The following SPECC1L variants were observed in gnomAD, a reference collection of about 807,000 sequenced individuals.
SPECC1L encodes the protein sperm antigen with calponin homology and coiled-coil domains 1 like.
In SPECC1L, 40 loss-of-function variants were observed where a neutral mutation model predicts 116.8. The ratio of observed to expected loss-of-function variants is 0.34; its 90% CI spans 0.27 to 0.45. The LOEUF is 0.45. SPECC1L is among the 20% of genes least tolerant of loss of function. The pLI, the probability that SPECC1L is intolerant of heterozygous loss-of-function variation, is 1.00. For synonymous variants in SPECC1L, 504 were observed against 500.6 expected (o/e 1.01, Z -0.09); for missense variants, 1,110 against 1,373.6 (o/e 0.81, Z 3.03).
At chr22:24,345,881 A>G (rs1333501955) in intron 10 of SPECC1L, among the ~76,000 whole-genome samples, 2 of 152,190 alleles carry the variant, frequency 1.3e-5, no homozygotes, top group African/African-American at 4.8e-5. Context: ...AAGCACAAGA[A>G]AAACATAGAC....
intron 15 of SPECC1L, chr22:24,412,221 T>A (rs756430716): frequency 4.7e-5 from 17 of 359,938 alleles, no homozygotes; most frequent in Non-Finnish European, 7.5e-5. Context: ...AGAGGGCCAC[T>A]GGAGAGGATC....
intron 14 of SPECC1L, among the ~76,000 whole-genome samples, chr22:24,397,034 G>C (rs2042382510): frequency 6.6e-6 from 1 of 152,164 alleles, no homozygotes; most frequent in Admixed American, 6.5e-5. Flanking sequence ...CCAAAGTAAA[G>C]TGTTTTATGG....
At chr22:24,386,982 G>A (rs772242180) in intron 14 of SPECC1L, among the ~76,000 whole-genome samples, 3 of 152,174 alleles carry the variant, frequency 2.0e-5, no homozygotes, top group Admixed American at 6.6e-5. Flanking sequence ...ATTAGACACA[G>A]AAAGCCTGAT....
intron 3 of SPECC1L, among the ~76,000 whole-genome samples, chr22:24,309,612 G>A (rs1439316373): frequency 3.9e-5 from 6 of 152,054 alleles, no homozygotes. Flanking sequence ...TGTTGGCCAG[G>A]CTGGTCTTGA....
chr22:24,321,617 C>G lies in SPECC1L; in HGVS notation c.637C>G (p.Leu213Val). 1 of 1,614,198 alleles carries G rather than the reference C, an allele frequency of 6.2e-7. No homozygotes were observed. The highest frequency in any genetic ancestry group is 1.1e-5 in the South Asian group (1 of 91,084). ...TGAACTGCGAGACATGCGTGCCCAGCTGGGCATTAATGAGGATCATTCTGA... is the reference window on the plus strand; with the variant it reads ...TGAACTGCGAGACATGCGTGCCCAGGTGGGCATTAATGAGGATCATTCTGA... ...RNELRDMRAQ[L>V]GINEDHSEGD... Residue 213 changes from leucine (L) to valine (V), a missense_variant, in exon 5 of 17, where the codon CTG becomes GTG. Leu to Val is a conservative substitution (Grantham distance 32). Coordinates refer to ENST00000314328, the MANE Select transcript of SPECC1L (RefSeq NM_015330.6).
intron 3 of SPECC1L, among the ~76,000 whole-genome samples, chr22:24,309,978 C>G (rs1026655330): frequency 1.3e-5 from 2 of 152,236 alleles, no homozygotes; most frequent in African/African-American, 4.8e-5. Flanking sequence ...CCTGTTCCCT[C>G]TTACGCAGTT....
chr22:24,288,457 A>G (rs2049088452), intron 2 of SPECC1L, among the ~76,000 whole-genome samples: 1 of 152,046 alleles, frequency 6.6e-6, no homozygotes, highest in Non-Finnish European at 1.5e-5. Flanking sequence ...CTCACTAGAC[A>G]CAGGGAAAAA....
chr22:24,290,045 G>A (rs1046344626), intron 2 of SPECC1L, among the ~76,000 whole-genome samples: 14 of 152,152 alleles, frequency 9.2e-5, no homozygotes, highest in African/African-American at 3.4e-4. Context: ...GCATGACTTG[G>A]CCTCCATCCC....
intron 12 of SPECC1L, among the ~76,000 whole-genome samples, chr22:24,364,044 A>G (rs1462993703): frequency 6.6e-6 from 1 of 152,176 alleles, no homozygotes; most frequent in Admixed American, 6.5e-5. Context: ...GCGCCTGCAG[A>G]TCCACCTTCT....
At chr22:24,344,650 C>T (rs958197284) in intron 10 of SPECC1L, among the ~76,000 whole-genome samples, 2 of 148,040 alleles carry the variant, frequency 1.4e-5, no homozygotes, top group Non-Finnish European at 3.0e-5. Context: ...TAAAGTAAAA[C>T]TGTCATTATT....
chr22:24,372,230 C>T (rs368779384), intron 14 of SPECC1L, among the ~76,000 whole-genome samples: 1 of 152,038 alleles, frequency 6.6e-6, no homozygotes, highest in African/African-American at 2.4e-5. Flanking sequence ...CCATTCATTC[C>T]GAAATTATTC....
chr22:24,294,998 G>C (rs1168525772), intron 2 of SPECC1L, among the ~76,000 whole-genome samples: 1 of 152,132 alleles, frequency 6.6e-6, no homozygotes, highest in Non-Finnish European at 1.5e-5. Context: ...GTAGGTAAGA[G>C]ATAGCCCTTT....
In SPECC1L at chr22:24,334,368, A is replaced by G. The variant is rs781394424; in HGVS notation, c.2397-42A>G. ...TGGGAGGGGAAAATGTGTATGTTCT[A>G]GTACCTATGTAAAAATGCTCTGATT... On this transcript the variant is annotated intron_variant, in intron 8 of 16. Transcript: ENST00000314328. 10 of 1,602,378 alleles carry G rather than the reference A, an allele frequency of 6.2e-6. No individual in the cohort carries two copies. In the African/African-American group the frequency reaches 6.7e-5, roughly 11 times the overall value.
intron 3 of SPECC1L, among the ~76,000 whole-genome samples, chr22:24,306,566 A>G (rs2049502352): frequency 6.6e-6 from 1 of 152,052 alleles, no homozygotes; most frequent in African/African-American, 2.4e-5. Context: ...AATTTTTTTT[A>G]GAGACAGGGT....
intron 14 of SPECC1L, among the ~76,000 whole-genome samples, chr22:24,381,600 A>G (rs2042062902): frequency 1.3e-5 from 2 of 152,122 alleles, no homozygotes; most frequent in Admixed American, 6.5e-5. Flanking sequence ...AAAGCTAATA[A>G]TTGCCGGGGC....
intron 10 of SPECC1L, among the ~76,000 whole-genome samples, chr22:24,346,011 GTT>G (rs375040215): frequency 0.045 from 6,338 of 141,612 alleles, 296 homozygotes; most frequent in South Asian, 0.13. Context: ...TGTTTTTTTT[GTT>G]TTTTTTTTTT....
At position 24,317,302 on chromosome 22, in the gene SPECC1L, A is replaced by G. The variant is rs866179998; in HGVS notation, c.307+3836A>G. On this transcript the variant is annotated intron_variant, in intron 4 of 16. Coordinates refer to ENST00000314328, the MANE Select transcript of SPECC1L (RefSeq NM_015330.6). Reference sequence around the variant, plus strand: ...TCCCTCCCGGACGGGGCGGCTGGCCAGGCGGGGGGCTGACCCCCCCCACCT... The same window carrying G: ...TCCCTCCCGGACGGGGCGGCTGGCCGGGCGGGGGGCTGACCCCCCCCACCT... 7.2e-4 allele frequency among the ~76,000 whole-genome samples: 31 copies of G among 43,146 alleles called. 1 individual carries two copies. Among genetic ancestry groups the G allele is most frequent in the African/African-American group, 1.0e-3 (12 of 11,872 alleles). The allele number at this position is 43,146 out of a possible 152,430, so 28.3% of individuals were successfully genotyped here. A position where few individuals can be genotyped will look rare whatever the true frequency, so the allele number is the denominator to read the frequency against.
intron 9 of SPECC1L, among the ~76,000 whole-genome samples, chr22:24,336,565 G>A (rs755292743): frequency 6.6e-6 from 1 of 152,030 alleles, no homozygotes; most frequent in Non-Finnish European, 1.5e-5. Context: ...GGACAACAGA[G>A]CAAGACTCTG....
At chr22:24,365,044 C>T (rs769185074) in intron 12 of SPECC1L, among the ~76,000 whole-genome samples, 4 of 152,024 alleles carry the variant, frequency 2.6e-5, no homozygotes, top group African/African-American at 4.8e-5. Flanking sequence ...CTCTCTCTGT[C>T]GCCCAGGCTG....
Sources: gnomAD v4.1 joint callset for allele counts (sites outside exome capture counted in the v4.1 genomes callset) on GRCh38, gnomAD v4.1.1 for gene constraint, MANE v1.5 for transcripts, NCBI Gene and HGNC (gene_info 2026-07-23, HGNC 2026-07-21) for gene names.